IKZF4: variants seen among roughly 807,000 people sequenced by gnomAD.
IKZF4 encodes zinc finger protein Eos.
In IKZF4, 11 loss-of-function variants were observed where a neutral mutation model predicts 47.7. The ratio of observed to expected loss-of-function variants is 0.23; its 90% CI spans 0.15 to 0.38. The LOEUF is 0.38. IKZF4 is among the 10% of genes least tolerant of loss of function. The pLI, the probability that IKZF4 is intolerant of heterozygous loss-of-function variation, is 1.00. For synonymous variants in IKZF4, 298 were observed against 299.4 expected, an observed-to-expected ratio of 1.00 and a Z score of 0.05; for missense variants, 557 against 784.9, an observed-to-expected ratio of 0.71 and a Z score of 3.47.
At chr12:56,026,746 C>A in intron 3 of IKZF4, 35 bp from the exon 4 acceptor site, 1 of 1,442,184 alleles carries the variant, frequency 6.9e-7, no homozygotes. Context: ...TCCCCCTTTG[C>A]CTCTCTCTAT....
chr12:56,017,223 T>TGGGGGGGGGGGGGCC, upstream of IKZF4, among the ~76,000 whole-genome samples: 1 of 122,518 alleles, frequency 8.2e-6, no homozygotes, highest in Non-Finnish European at 1.6e-5. Flanking sequence ...AAATTCAGAC[T>TGGGGGGGGGGGGGCC]CCCCCCCCGC....
chr12:56,012,423 A>C, intron 2 of IKZF4, among the ~76,000 whole-genome samples: 1 of 151,748 alleles, frequency 6.6e-6, no homozygotes, highest in Admixed American at 6.6e-5. Context: ...TACAGGCATG[A>C]ACCACCACCC....
chr12:56,032,466 TC>T, intron 5 of IKZF4, 94 bp from the exon 6 acceptor site: 3 of 1,264,052 alleles, frequency 2.4e-6, no homozygotes, highest in Non-Finnish European at 3.2e-6. Context: ...ATCCTTTCCT[TC>T]CCATGCCAGT....
In IKZF4 at chr12:56,032,674, C is replaced by G. The variant is rs1316131347; in HGVS notation, c.829C>G (p.Leu277Val). 1 of 1,614,052 alleles carries G rather than the reference C, an allele frequency of 6.2e-7. No individual in the cohort carries two copies. The highest frequency in any genetic ancestry group is 8.5e-7 in the Non-Finnish European group (1 of 1,179,896). ...KERCHNYLQS[L>V]STEAQALAGQ... Reference sequence around the variant, plus strand: ...GCGGTGCCATAACTACCTACAGAGTCTCAGCACTGAAGCCCAAGCTTTGGC... The same window carrying G: ...GCGGTGCCATAACTACCTACAGAGTGTCAGCACTGAAGCCCAAGCTTTGGC... Residue 277 changes from leucine to valine, a missense_variant, in exon 6 of 8, where the codon CTC becomes GTC. Physicochemically the swap from Leu to Val is conservative, Grantham distance 32 (BLOSUM62 1). Around this residue, in one of 6 missense-constraint regions of IKZF4, gnomAD observed 72 missense variants for 112.4 expected, o/e 0.64. Coordinates refer to ENST00000547167, the MANE Select transcript of IKZF4 (RefSeq NM_022465.4).
At chr12:56,016,714 A>G (rs1892125721), upstream of IKZF4, among the ~76,000 whole-genome samples, 1 of 152,068 alleles carries the variant, frequency 6.6e-6, no homozygotes, top group Admixed American at 6.5e-5. Flanking sequence ...CTCCTGCCTC[A>G]GCCTCCCTAG....
At chr12:56,019,876 A>T (rs980715998), upstream of IKZF4, among the ~76,000 whole-genome samples, 3 of 152,224 alleles carry the variant, frequency 2.0e-5, no homozygotes, top group Non-Finnish European at 4.4e-5. Flanking sequence ...TCTGCACAGG[A>T]TGGTTTTTGA....
chr12:56,019,468 T>G, upstream of IKZF4: 1 of 556,274 alleles, frequency 1.8e-6, no homozygotes, highest in Non-Finnish European at 2.3e-6. Context: ...GGAGTTGGAA[T>G]GGGTAAAGGC....
At chr12:56,021,688 CTG>C (rs67296911) in intron 1 of IKZF4, 108 bp downstream of exon 1, 81,934 of 651,312 alleles carry the variant, frequency 0.13, 337 homozygotes, top group Middle Eastern at 0.15. Context: ...AGGATGGGGG[CTG>C]TGTGTGTGTG....
upstream of IKZF4, among the ~76,000 whole-genome samples, chr12:56,017,693 T>C (rs956120072): frequency 2.6e-5 from 4 of 152,012 alleles, no homozygotes; most frequent in African/African-American, 9.7e-5. Context: ...CAGGACAAAG[T>C]GTAAGGTTTT....
intron 5 of IKZF4, among the ~76,000 whole-genome samples, chr12:56,030,259 AAC>A (rs1894701688): frequency 6.8e-6 from 1 of 147,776 alleles, no homozygotes. Flanking sequence ...CTACTACAAA[AAC>A]AAAAACAAAA....
At chr12:56,015,930 G>A (rs560299459) in intron 2 of IKZF4, among the ~76,000 whole-genome samples, 65 of 152,152 alleles carry the variant, frequency 4.3e-4, no homozygotes, top group Middle Eastern at 3.4e-3. Context: ...TTGTTCTAGT[G>A]GTCCAGTCCC....
intron 1 of IKZF4, among the ~76,000 whole-genome samples, chr12:56,009,170 TGTTCCAACGTCATG>T (rs1353929184): frequency 6.6e-6 from 1 of 152,212 alleles, no homozygotes; most frequent in Non-Finnish European, 1.5e-5. Context: ...CAGCTTTAGA[TGTTCCAACGTCATG>T]GTCAACCAGA....
intron 5 of IKZF4, among the ~76,000 whole-genome samples, chr12:56,030,434 GAAAA>G (rs769748334): frequency 7.7e-6 from 1 of 129,642 alleles, no homozygotes; most frequent in Non-Finnish European, 1.7e-5. Flanking sequence ...CCATCTTGGG[GAAAA>G]AAAAAAAAAA....
chr12:56,024,575 A>T (rs1893632381), intron 2 of IKZF4: 2 of 895,504 alleles, frequency 2.2e-6, no homozygotes, highest in East Asian at 1.1e-4. Flanking sequence ...GGCACATAGT[A>T]AGTACTCAAT....
At chr12:56,009,388 C>T (rs750690184) in intron 1 of IKZF4, among the ~76,000 whole-genome samples, 3 of 152,188 alleles carry the variant, frequency 2.0e-5, no homozygotes, top group South Asian at 2.1e-4. Flanking sequence ...CATAGTGTTT[C>T]GTTTGGTTGG....
Position 56,023,820 on chromosome 12 carries a change from G to A in IKZF4, c.181+56G>A. On this transcript the variant is annotated intron_variant, in intron 2 of 7. Coordinates refer to ENST00000547167, the MANE Select transcript of IKZF4 (RefSeq NM_022465.4). ...AAAGTACTAATAGGTGGACTTCAGG[G>A]ATGAATTTTAGGCTTCCTCTCTCTT... 1.4e-5 allele frequency: 22 copies of A among 1,585,196 alleles called. No homozygotes were observed. In the South Asian group the frequency reaches 2.4e-4, roughly 17 times the overall value.
chr12:56,021,294 TCACACACA>T lies in IKZF4; in HGVS notation c.-184_-177del, dbSNP rs56857131. ...CTCTCCCTCTCTCTCTCTCTCTCTC[TCACACACA>T]CACACACACACACACTCAACACACA... is the stretch of plus-strand genomic sequence containing the variant. On this transcript the variant is annotated 5_prime_UTR_variant, in exon 1 of 8. Transcript: ENST00000547167. 5 of 1,142,192 alleles carry T rather than the reference TCACACACA, an allele frequency of 4.4e-6. No individual in the cohort carries two copies. Among genetic ancestry groups the T allele is most frequent in the Admixed American group, 2.7e-5 (1 of 36,598 alleles). 70.8% of individuals were successfully genotyped at this position (1,142,192 alleles called of 1,614,324 possible). A position where few individuals can be genotyped will look rare whatever the true frequency, so the allele number is the denominator to read the frequency against.
chr12:56,024,612 A>T, intron 2 of IKZF4: 1 of 1,019,566 alleles, frequency 9.8e-7, no homozygotes, highest in Non-Finnish European at 1.2e-6. Context: ...TATGATGATT[A>T]CTAATATTAT....
At chr12:56,020,116 G>A (rs1892652685), upstream of IKZF4, among the ~76,000 whole-genome samples, 1 of 152,226 alleles carries the variant, frequency 6.6e-6, no homozygotes, top group African/African-American at 2.4e-5. Flanking sequence ...AGCACACTGC[G>A]GGCCTCCACA....
Sources: allele counts gnomAD v4.1 joint callset (sites outside exome capture counted in the v4.1 genomes callset), GRCh38; gene constraint gnomAD v4.1.1; regional missense constraint gnomAD v4.1.1; transcripts MANE v1.5; gene names NCBI Gene and HGNC (gene_info 2026-07-23, HGNC 2026-07-21).